HYDIN: variants seen among roughly 807,000 people sequenced by gnomAD.
HYDIN encodes the protein axonemal central pair apparatus protein HYDIN.
Under a neutral mutation model 403.9 loss-of-function variants are expected in HYDIN, and 132 were observed. The ratio of observed to expected loss-of-function variants is 0.33; its 90% CI spans 0.28 to 0.38. The LOEUF (loss-of-function observed/expected upper bound fraction) is 0.38, where lower values mean the gene tolerates loss of function less well. Among genes scored for constraint, HYDIN ranks in the 10% least tolerant of loss-of-function variants. The probability of loss-of-function intolerance (pLI) is 1.00; values close to 1 mark genes in which losing one functional copy is unlikely to be tolerated. For missense variants in HYDIN, 2,827 were observed against 5,009.5 expected (o/e 0.56, Z 13.15); for synonymous variants, 1,202 against 1,891.7 (o/e 0.64, Z 9.46).
chr16:71,186,283 G>C (rs907552301), intron 2 of HYDIN, among the ~76,000 whole-genome samples: 1 of 151,974 alleles, frequency 6.6e-6, no homozygotes, highest in Non-Finnish European at 1.5e-5. Context: ...CTATAAATAT[G>C]TTTTATTTTA....
chr16:71,112,434 C>A, intron 10 of HYDIN, among the ~76,000 whole-genome samples: 1 of 144,504 alleles, frequency 6.9e-6, no homozygotes. Flanking sequence ...TCAGTATCTT[C>A]AAAGAGAAAA....
rs1567753641 is a variant in HYDIN, at chr16:70,879,477, G to A, written c.10377C>T (p.Ala3459=). The change falls in exon 62 of 86, where the codon GCC becomes GCT. Residue 3459 remains alanine, a synonymous_variant. Transcript: ENST00000393567. ...TGTCAAACACGAGGCCTCGGCTCTT[G>A]GCCAGGGTGCTGTAGGGGACAGGAA... is the stretch of plus-strand genomic sequence containing the variant. ...ATLDGLPSTL[A]KSRGLVFDIA... 1 of 1,613,922 alleles carries A rather than the reference G, an allele frequency of 6.2e-7. No homozygotes were observed. The highest frequency in any genetic ancestry group is 2.2e-5 in the East Asian group (1 of 44,876).
rs1400953317 is a variant in HYDIN at position 71,031,196 on chromosome 16, T to A, written c.2768+483A>T. Among the ~76,000 whole-genome samples the A allele has an allele frequency of 4.0e-5, 4 of 100,044 alleles. No individual in the cohort carries two copies. In the East Asian group the frequency reaches 1.2e-3, roughly 30 times the overall value. The allele number at this position is 100,044 out of a possible 152,430, so 65.6% of individuals were successfully genotyped here. ...GCCTAGGCCACAGAGCAAGACTCCA[T>A]CTCAAAAAAAAAAAAAAAAAAAAAA... is the stretch of plus-strand genomic sequence containing the variant. On this transcript the variant is annotated intron_variant, in intron 19 of 85. Transcript: ENST00000393567.
chr16:70,941,737 A>G lies in HYDIN; in HGVS notation c.6752T>C (p.Leu2251Pro), dbSNP rs1463207687. ...AQNAAAALLCLLKAIGSREHI... is the reference protein window; with the variant it reads ...AQNAAAALLCPLKAIGSREHI... The stretch of plus-strand genomic sequence containing the variant: ...CTCCCGGCTGCCAATGGCCTTCAGC[A>G]GGCAGAGGAGGGCGGCTGCAGCATT... Residue 2251 changes from leucine (L) to proline (P), a missense_variant, in exon 43 of 86, where the codon CTG becomes CCG. Transcript: ENST00000393567. 4.4e-6 allele frequency: 7 copies of G among 1,596,028 alleles called. No homozygotes were observed. The Admixed American group carries it at 1.2e-4, about 28-fold the overall frequency.
intron 41 of HYDIN, among the ~76,000 whole-genome samples, chr16:70,951,266 G>GAGAGAGAA (rs2078062055): frequency 1.3e-5 from 2 of 151,314 alleles, no homozygotes; most frequent in Middle Eastern, 6.8e-3. Context: ...GAGAGAGAGA[G>GAGAGAGAA]AGAGAGAGAG....
intron 62 of HYDIN, among the ~76,000 whole-genome samples, chr16:70,878,656 GT>G (rs2040592621): frequency 1.4e-5 from 2 of 146,846 alleles, no homozygotes; most frequent in African/African-American, 2.8e-5. Flanking sequence ...GTTTTGTTTT[GT>G]TTTGTTTTTT....
chr16:71,152,226 C>G (rs1336110201), intron 7 of HYDIN, among the ~76,000 whole-genome samples: 2 of 151,658 alleles, frequency 1.3e-5, no homozygotes, highest in African/African-American at 4.8e-5. Context: ...CTACTGGAGG[C>G]ATTCATTTTT....
rs1343982186 is a variant in HYDIN at position 70,920,969 on chromosome 16, G to A, written c.7407C>T (p.Asn2469=). 8.8e-6 allele frequency: 14 copies of A among 1,596,742 alleles called. No individual in the cohort carries two copies. Among genetic ancestry groups the A allele is most frequent in the Non-Finnish European group, 1.2e-5 (14 of 1,170,126 alleles). The change falls in exon 46 of 86, where the codon AAC becomes AAT. Residue 2469 remains asparagine (N), a synonymous_variant. Transcript: ENST00000393567. ...GCTTCCGGTCCCAGTACATGAGGAT[G>A]TTCTGGACATCCTTCAGTGTCAATT... ...TYELTLKDVQ[N]ILMYWDRKQG...
intron 8 of HYDIN, chr16:71,133,016 A>C (rs1468023010): frequency 2.5e-5 from 7 of 277,662 alleles, no homozygotes; most frequent in South Asian, 2.1e-4. Flanking sequence ...CAGTAAAACC[A>C]TGGGCTTAAC....
Position 70,981,515 on chromosome 16 carries a change from T to A in HYDIN, c.4386A>T (p.Gly1462=). 6.2e-7 allele frequency: 1 copy of A among 1,613,406 alleles called. No homozygotes were observed. The highest frequency in any genetic ancestry group is 8.5e-7 in the Non-Finnish European group (1 of 1,179,782). The change falls in exon 29 of 86, where the codon GGA becomes GGT. Residue 1462 remains glycine, a synonymous_variant. Coordinates refer to ENST00000393567, the MANE Select transcript of HYDIN (RefSeq NM_001270974.2). ...EQVLKVYYLP[G]VPEVFKRSFQ... ...AACTCCTTTTAAAGACCTCAGGTAC[T>A]CCAGGTAGGTAGTAAACTTTTAATA... is the stretch of plus-strand genomic sequence containing the variant.
chr16:71,021,090 C>T (rs1288847233), intron 21 of HYDIN, among the ~76,000 whole-genome samples: 1 of 150,620 alleles, frequency 6.6e-6, no homozygotes, highest in Non-Finnish European at 1.5e-5. Flanking sequence ...CTTAAAATAC[C>T]TGATTTGCCT....
intron 1 of HYDIN, among the ~76,000 whole-genome samples, chr16:71,215,170 A>T (rs2088814058): frequency 6.6e-6 from 1 of 152,012 alleles, no homozygotes; most frequent in Non-Finnish European, 1.5e-5. Flanking sequence ...TCACCTTTAG[A>T]GGTCACTAGA....
Position 70,807,633 on chromosome 16 carries a change from C to T in HYDIN, c.15313G>A (p.Gly5105Arg), listed in dbSNP as rs1456388969. Reference protein sequence around the residue: ...KLTVSCPPGEGSETGVKWVYY... With the variant: ...KLTVSCPPGERSETGVKWVYY... ...ACCCATTTAACTCCAGTCTCACTCCCTTCACCAGGAGGGCAGCTCACAGTC... is the reference window on the plus strand; with the variant it reads ...ACCCATTTAACTCCAGTCTCACTCCTTTCACCAGGAGGGCAGCTCACAGTC... The change falls in exon 86 of 86, where the codon GGG becomes AGG. Residue 5105 changes from glycine to arginine, a missense_variant. By Grantham distance (125) the Gly-to-Arg change is moderately radical. Transcript: ENST00000393567. The T allele has an allele frequency of 6.2e-7, 1 of 1,614,162 alleles. No homozygotes were observed. Among genetic ancestry groups the T allele is most frequent in the Non-Finnish European group, 8.5e-7 (1 of 1,180,008 alleles).
At position 70,921,233 on chromosome 16, in the gene HYDIN, C is replaced by T. The variant is rs1181505264; in HGVS notation, c.7159-16G>A. The T allele has an allele frequency of 1.1e-5, 16 of 1,509,258 alleles. No individual in the cohort carries two copies. Among genetic ancestry groups the T allele is most frequent in the South Asian group, 2.7e-5 (2 of 74,954 alleles). The allele number at this position is 1,509,258 out of a possible 1,614,324, so 93.5% of individuals were successfully genotyped here. A position where few individuals can be genotyped will look rare whatever the true frequency, so the allele number is the denominator to read the frequency against. ...GCGGAGGAACCTAGAAGGCATGACA[C>T]AGAAAAGATGCGTCAAACAGTTTTT... is the stretch of plus-strand genomic sequence containing the variant. On this transcript the variant is annotated splice_polypyrimidine_tract_variant and intron_variant, in intron 45 of 85. Transcript: ENST00000393567.
At chr16:71,229,771 A>G (rs1257213394) in intron 1 of HYDIN, among the ~76,000 whole-genome samples, 1 of 152,226 alleles carries the variant, frequency 6.6e-6, no homozygotes, top group East Asian at 1.9e-4. Context: ...ATGAGGTACA[A>G]GAGATACTTT....
Position 71,178,990 on chromosome 16 carries a change from A to G in HYDIN, c.319T>C (p.Phe107Leu). 6.2e-7 allele frequency: 1 copy of G among 1,612,330 alleles called. No individual in the cohort carries two copies. The highest frequency in any genetic ancestry group is 8.5e-7 in the Non-Finnish European group (1 of 1,178,572). Reference protein sequence around the residue: ...LFQPFPSEIIFQNYTPCEVYE... With the variant: ...LFQPFPSEIILQNYTPCEVYE... Reference sequence around the variant, plus strand: ...ACTTCACAGGGAGTGTAGTTCTGAAATATAATTTCTGATGGAAAGGGCTGG... The same window carrying G: ...ACTTCACAGGGAGTGTAGTTCTGAAGTATAATTTCTGATGGAAAGGGCTGG... The change falls in exon 4 of 86, where the codon TTT becomes CTT. Residue 107 changes from phenylalanine (F) to leucine (L), a missense_variant. Transcript: ENST00000393567.
At chr16:71,030,689 C>T (rs928275856) in intron 19 of HYDIN, among the ~76,000 whole-genome samples, 5 of 152,228 alleles carry the variant, frequency 3.3e-5, no homozygotes, top group African/African-American at 1.2e-4. Context: ...CCTTGGCCTC[C>T]CAAACTGCTA....
chr16:71,185,055 A>C (rs2087080426), intron 2 of HYDIN, 65 bp from the exon 3 acceptor site: 2 of 1,172,914 alleles, frequency 1.7e-6, no homozygotes, highest in Admixed American at 2.2e-5. Context: ...TGTTTTCATA[A>C]GTACCAGTAA....
At chr16:70,946,538 TTGCTTGAGAGTG>T (rs2077867283) in intron 41 of HYDIN, among the ~76,000 whole-genome samples, 1 of 152,008 alleles carries the variant, frequency 6.6e-6, no homozygotes, top group African/African-American at 2.4e-5. Flanking sequence ...GGTTGAAGCT[TTGCTTGAGAGTG>T]TGGTGAAGGG....
Sources: allele counts gnomAD v4.1 joint callset (sites outside exome capture counted in the v4.1 genomes callset), GRCh38; gene constraint gnomAD v4.1.1; transcripts MANE v1.5; gene names NCBI Gene and HGNC (gene_info 2026-07-23, HGNC 2026-07-21).